Variants in RGS6 observed in about 807,000 individuals in gnomAD.
RGS6 encodes the protein regulator of G-protein signaling 6.
RGS6 carries 30 observed loss-of-function variants against 78.5 expected under a neutral mutation model. The observed-to-expected ratio is 0.38, with a 90% CI of 0.29 to 0.52. The LOEUF (loss-of-function observed/expected upper bound fraction) is 0.52. RGS6 is among the 20% of genes least tolerant of loss of function. The pLI, the probability that RGS6 is intolerant of heterozygous loss-of-function variation, is 0.85. For synonymous variants in RGS6, 206 were observed against 206.0 expected, an observed-to-expected ratio of 1.00 and a Z score of 0.00; for missense variants, 495 against 609.7, an observed-to-expected ratio of 0.81 and a Z score of 1.98.
At chr14:72,175,398 C>T (rs1214109102) in intron 2 of RGS6, among the ~76,000 whole-genome samples, 1 of 152,160 alleles carries the variant, frequency 6.6e-6, no homozygotes, top group Admixed American at 6.5e-5. Context: ...ACTTTTCTTT[C>T]CCCTGAAGAC....
the RGS6 span, among the ~76,000 whole-genome samples, chr14:71,904,046 TACTA>T: frequency 6.6e-6 from 1 of 152,220 alleles, no homozygotes; most frequent in Non-Finnish European, 1.5e-5. Flanking sequence ...AACAAGTGAA[TACTA>T]ACTGATAGAA....
intron 2 of RGS6, among the ~76,000 whole-genome samples, chr14:71,995,740 T>A (rs140996325): frequency 2.5e-4 from 38 of 152,332 alleles, no homozygotes; most frequent in African/African-American, 7.2e-4. Context: ...TCTAAACTGC[T>A]TTATTATTTT....
chr14:72,384,592 G>A (rs1445555220), intron 3 of RGS6, among the ~76,000 whole-genome samples: 1 of 152,114 alleles, frequency 6.6e-6, no homozygotes, highest in Non-Finnish European at 1.5e-5. Context: ...AAAATGATGT[G>A]TTCTGAGTGT....
chr14:72,179,255 CAT>C (rs777892778), intron 2 of RGS6, among the ~76,000 whole-genome samples: 11 of 152,340 alleles, frequency 7.2e-5, no homozygotes, highest in Admixed American at 2.0e-4. Flanking sequence ...GCCTAATCTG[CAT>C]ATGAGTGCCT....
intron 3 of RGS6, among the ~76,000 whole-genome samples, chr14:72,369,877 T>C (rs2083136030): frequency 6.6e-6 from 1 of 152,156 alleles, no homozygotes; most frequent in African/African-American, 2.4e-5. Context: ...ATGCCAAAAT[T>C]TATACATACA....
At chr14:72,052,995 CTCTCTCTCTCTT>C (rs1350528440) in intron 2 of RGS6, among the ~76,000 whole-genome samples, 7 of 82,168 alleles carry the variant, frequency 8.5e-5, no homozygotes, top group African/African-American at 2.0e-4. Context: ...CTCTCTCTCT[CTCTCTCTCTCTT>C]TCTTTCCTTC....
chr14:72,403,460 G>T (rs887189089), intron 3 of RGS6, among the ~76,000 whole-genome samples: 3 of 152,164 alleles, frequency 2.0e-5, no homozygotes, highest in African/African-American at 7.2e-5. Context: ...AGGGTAGGAG[G>T]GGAGGAGATG....
At chr14:72,090,156 A>AAAACCAG (rs1460627870) in intron 2 of RGS6, among the ~76,000 whole-genome samples, 1 of 151,956 alleles carries the variant, frequency 6.6e-6, no homozygotes, top group Non-Finnish European at 1.5e-5. Flanking sequence ...GGCTAAACAC[A>AAAACCAG]AAACCAGAAT....
chr14:72,106,954 G>A (rs1264691779), intron 2 of RGS6, among the ~76,000 whole-genome samples: 1 of 152,032 alleles, frequency 6.6e-6, no homozygotes, highest in South Asian at 2.1e-4. Flanking sequence ...TTTTCATCAG[G>A]AGGCGCAGGA....
At chr14:72,214,087 A>T (rs1567488963) in intron 2 of RGS6, among the ~76,000 whole-genome samples, 1 of 151,954 alleles carries the variant, frequency 6.6e-6, no homozygotes, top group Non-Finnish European at 1.5e-5. Context: ...TGTTTTATGC[A>T]TTTTGAGTTA....
At chr14:72,386,248 A>C (rs1329583375) in intron 3 of RGS6, among the ~76,000 whole-genome samples, 1 of 152,012 alleles carries the variant, frequency 6.6e-6, no homozygotes, top group African/African-American at 2.4e-5. Context: ...ACTAAATACT[A>C]TTTGGGGGGC....
chr14:71,988,374 C>G (rs886091383), intron 2 of RGS6, among the ~76,000 whole-genome samples: 2 of 152,190 alleles, frequency 1.3e-5, no homozygotes, highest in African/African-American at 4.8e-5. Flanking sequence ...TGGGCCTAAT[C>G]TGTCCCCATG....
chr14:72,096,689 C>G (rs2095415328), intron 2 of RGS6, among the ~76,000 whole-genome samples: 2 of 152,268 alleles, frequency 1.3e-5, no homozygotes, highest in South Asian at 4.1e-4. Flanking sequence ...TTAGGCTTGT[C>G]ACAGTCTGGT....
At chr14:72,161,061 A>G (rs565143478) in intron 2 of RGS6, among the ~76,000 whole-genome samples, 34 of 152,360 alleles carry the variant, frequency 2.2e-4, no homozygotes, top group Admixed American at 2.0e-3. Flanking sequence ...CTATGCAGCC[A>G]TAAAAGAGGA....
chr14:72,290,866 A>G (rs1323382606), intron 2 of RGS6, among the ~76,000 whole-genome samples: 1 of 152,044 alleles, frequency 6.6e-6, no homozygotes, highest in Non-Finnish European at 1.5e-5. Context: ...GCCAAGGGCA[A>G]CAAGGTTTGA....
chr14:72,625,871 T>C, the RGS6 span, among the ~76,000 whole-genome samples: 1 of 152,194 alleles, frequency 6.6e-6, no homozygotes, highest in African/African-American at 2.4e-5. Context: ...AACTAGACTC[T>C]CATTAGTCAC....
chr14:72,349,676 A>G (rs183252162), intron 2 of RGS6, among the ~76,000 whole-genome samples: 5 of 152,334 alleles, frequency 3.3e-5, no homozygotes, highest in Admixed American at 2.6e-4. Context: ...GTGGGCAAAC[A>G]TAAGGAAAAA....
chr14:72,090,295 C>T (rs1281437063), intron 2 of RGS6, among the ~76,000 whole-genome samples: 9 of 152,184 alleles, frequency 5.9e-5, no homozygotes, highest in South Asian at 2.1e-4. Flanking sequence ...GGACCAGTAC[C>T]GGTCCCTGGC....
chr14:71,977,605 C>G (rs1460437546), intron 2 of RGS6, among the ~76,000 whole-genome samples: 1 of 149,774 alleles, frequency 6.7e-6, no homozygotes, highest in African/African-American at 2.4e-5. Context: ...GGGCTCTGTT[C>G]TGTTCCGTTG....
Sources: allele counts gnomAD v4.1 joint callset (sites outside exome capture counted in the v4.1 genomes callset), GRCh38; gene constraint gnomAD v4.1.1; transcripts MANE v1.5; gene names NCBI Gene and HGNC (gene_info 2026-07-23, HGNC 2026-07-21).